Variants in RAD51B observed in about 807,000 individuals in gnomAD.
RAD51B encodes the protein DNA repair protein RAD51 homolog 2.
Under a neutral mutation model 42.2 loss-of-function variants are expected in RAD51B, and 38 were observed. The ratio of observed to expected loss-of-function variants is 0.90; its 90% CI spans 0.70 to 1.18. The LOEUF is 1.18. RAD51B is among the 50% of genes most tolerant of loss of function. The pLI is 0.00. For missense variants in RAD51B, 373 were observed against 400.7 expected (o/e 0.93, Z 0.59); for synonymous variants, 154 against 145.2 (o/e 1.06, Z -0.43).
intron 8 of RAD51B, among the ~76,000 whole-genome samples, chr14:68,351,253 A>G (rs2082781393): frequency 6.6e-6 from 1 of 152,224 alleles, no homozygotes; most frequent in Admixed American, 6.5e-5. Context: ...GAGAAAGAAG[A>G]ACCTGCTAGA....
chr14:68,226,463 C>G (rs555821853), intron 7 of RAD51B, among the ~76,000 whole-genome samples: 1 of 152,112 alleles, frequency 6.6e-6, no homozygotes, highest in Non-Finnish European at 1.5e-5. Flanking sequence ...GAGAGGGACC[C>G]GGTGGGAGGT....
At chr14:68,027,321 G>A (rs972460877) in intron 7 of RAD51B, among the ~76,000 whole-genome samples, 6 of 151,908 alleles carry the variant, frequency 3.9e-5, no homozygotes, top group Admixed American at 6.6e-5. Context: ...TGTGTGCCTC[G>A]GGGATGGTAA....
intron 9 of RAD51B, among the ~76,000 whole-genome samples, chr14:68,448,068 G>A (rs2085463823): frequency 6.6e-6 from 1 of 152,224 alleles, no homozygotes; most frequent in African/African-American, 2.4e-5. Context: ...GCAGAGGTGA[G>A]GGCTGAGCCT....
intron 11 of RAD51B, among the ~76,000 whole-genome samples, chr14:68,651,371 C>T (rs906147486): frequency 1.3e-5 from 2 of 152,116 alleles, no homozygotes; most frequent in Non-Finnish European, 2.9e-5. Flanking sequence ...TAAGGTTTTG[C>T]CGTGTTGCCC....
intron 4 of RAD51B, among the ~76,000 whole-genome samples, chr14:67,857,729 AG>A (rs2139966403): frequency 6.6e-6 from 1 of 152,336 alleles, no homozygotes; most frequent in South Asian, 2.1e-4. Context: ...TAATGATGGA[AG>A]ATTTTTCTCA....
chr14:68,243,684 C>T (rs181340495), intron 7 of RAD51B, among the ~76,000 whole-genome samples: 2 of 152,326 alleles, frequency 1.3e-5, no homozygotes, highest in East Asian at 1.9e-4. Context: ...ATTCACACTA[C>T]TTGATGACTC....
intron 8 of RAD51B, among the ~76,000 whole-genome samples, chr14:68,389,068 A>T (rs987114623): frequency 6.6e-6 from 1 of 152,212 alleles, no homozygotes; most frequent in Non-Finnish European, 1.5e-5. Context: ...ACTTCTTGAC[A>T]ATATGTGTGA....
chr14:68,247,914 C>T (rs546759883), intron 7 of RAD51B, among the ~76,000 whole-genome samples: 6 of 152,262 alleles, frequency 3.9e-5, no homozygotes, highest in Middle Eastern at 6.8e-3. Flanking sequence ...TGCTGCAAAG[C>T]GCTTTATAGT....
chr14:68,084,410 C>G (rs1184072606), intron 7 of RAD51B, among the ~76,000 whole-genome samples: 1 of 152,150 alleles, frequency 6.6e-6, no homozygotes, highest in Non-Finnish European at 1.5e-5. Context: ...GGGGGCTGTT[C>G]TGTACATTGT....
chr14:67,998,356 A>T (rs995591479), intron 7 of RAD51B, among the ~76,000 whole-genome samples: 2 of 152,230 alleles, frequency 1.3e-5, no homozygotes, highest in African/African-American at 4.8e-5. Flanking sequence ...GAATCATCAG[A>T]ATCGTCTATT....
At chr14:68,540,755 AATGAC>A (rs1887920192) in intron 10 of RAD51B, 1 of 985,426 alleles carries the variant, frequency 1.0e-6, no homozygotes, top group African/African-American at 1.7e-5. Flanking sequence ...TTTGTGAAGA[AATGAC>A]AGCTTGTGAG....
At chr14:67,916,996 AG>A (rs2044172213) in intron 7 of RAD51B, among the ~76,000 whole-genome samples, 1 of 152,200 alleles carries the variant, frequency 6.6e-6, no homozygotes, top group African/African-American at 2.4e-5. Flanking sequence ...AGAAGAAAGG[AG>A]GTGCAGAATT....
chr14:68,677,646 C>T (rs1049865263), intron 11 of RAD51B, among the ~76,000 whole-genome samples: 9 of 152,162 alleles, frequency 5.9e-5, no homozygotes, highest in Admixed American at 2.6e-4. Context: ...TGTCCTCCCC[C>T]GTATATACTG....
chr14:68,490,390 A>G (rs758988728), intron 10 of RAD51B, among the ~76,000 whole-genome samples: 10 of 152,232 alleles, frequency 6.6e-5, no homozygotes, highest in Non-Finnish European at 1.2e-4. Context: ...GTCTGATAAA[A>G]TCAGTGATTT....
intron 7 of RAD51B, among the ~76,000 whole-genome samples, chr14:68,066,557 A>G (rs2140454664): frequency 6.6e-6 from 1 of 152,316 alleles, no homozygotes; most frequent in Middle Eastern, 3.4e-3. Flanking sequence ...AGTATTAATA[A>G]TGCATTGACA....
chr14:68,258,395 T>C (rs2080800394), intron 7 of RAD51B, among the ~76,000 whole-genome samples: 1 of 151,080 alleles, frequency 6.6e-6, no homozygotes, highest in South Asian at 2.1e-4. Flanking sequence ...ACCCTGTCTC[T>C]ATACACACAC....
chr14:68,512,338 T>C (rs1407194413), intron 10 of RAD51B, among the ~76,000 whole-genome samples: 1 of 152,224 alleles, frequency 6.6e-6, no homozygotes, highest in East Asian at 1.9e-4. Flanking sequence ...TCTCCGTCTG[T>C]TTCTCATCAT....
chr14:68,061,216 G>A (rs553854854), intron 7 of RAD51B, among the ~76,000 whole-genome samples: 47 of 151,828 alleles, frequency 3.1e-4, no homozygotes, highest in Non-Finnish European at 4.4e-4. Flanking sequence ...TTACAGGCAT[G>A]CGCGCCACAC....
intron 8 of RAD51B, among the ~76,000 whole-genome samples, chr14:68,358,554 A>G (rs977114415): frequency 6.6e-6 from 1 of 152,120 alleles, no homozygotes; most frequent in Non-Finnish European, 1.5e-5. Flanking sequence ...AATCTTTGTG[A>G]GTCTCTTGAG....
Sources: allele counts gnomAD v4.1 joint callset (sites outside exome capture counted in the v4.1 genomes callset), GRCh38; gene constraint gnomAD v4.1.1; transcripts MANE v1.5; gene names NCBI Gene and HGNC (gene_info 2026-07-23, HGNC 2026-07-21).